Variants in FAM135B observed in about 807,000 individuals in gnomAD.
The protein encoded by FAM135B is protein FAM135B.
A neutral mutation model predicts 127.7 loss-of-function variants in FAM135B; 43 were observed. That is an observed-to-expected ratio of 0.34 (90% CI 0.26 to 0.43). FAM135B has a LOEUF of 0.43. Ranked by LOEUF, FAM135B falls within the 20% of genes least tolerant of loss-of-function variation. The probability of loss-of-function intolerance (pLI) is 1.00; values close to 1 mark genes in which losing one functional copy is unlikely to be tolerated. For synonymous variants in FAM135B, 670 were observed against 665.1 expected (o/e 1.01, Z -0.11); for missense variants, 1,558 against 1,725.6 (o/e 0.90, Z 1.72).
intron 2 of FAM135B, among the ~76,000 whole-genome samples, chr8:138,326,998 A>G (rs1043414788): frequency 2.6e-5 from 4 of 152,142 alleles, no homozygotes; most frequent in Non-Finnish European, 4.4e-5. Context: ...TCTGTGCTAG[A>G]TCTCATGACT....
At chr8:138,386,947 G>C (rs2131309226) in intron 1 of FAM135B, among the ~76,000 whole-genome samples, 1 of 152,206 alleles carries the variant, frequency 6.6e-6, no homozygotes, top group African/African-American at 2.4e-5. Context: ...TGCCTATACA[G>C]AACGCCTGCC....
intron 1 of FAM135B, among the ~76,000 whole-genome samples, chr8:138,408,426 G>T (rs1197927284): frequency 6.6e-6 from 1 of 152,090 alleles, no homozygotes; most frequent in Non-Finnish European, 1.5e-5. Flanking sequence ...ATCAACCTCT[G>T]CTGGCTTCCA....
chr8:138,262,748 A>C (rs1007653450), intron 4 of FAM135B, among the ~76,000 whole-genome samples: 2 of 151,742 alleles, frequency 1.3e-5, no homozygotes, highest in Non-Finnish European at 2.9e-5. Context: ...AAAATACAAA[A>C]AAAATTAGCC....
chr8:138,461,327 A>T (rs1265766182), intron 1 of FAM135B, among the ~76,000 whole-genome samples: 2 of 152,152 alleles, frequency 1.3e-5, no homozygotes, highest in Non-Finnish European at 2.9e-5. Flanking sequence ...CATTTGTAAA[A>T]TAAGGAAATA....
At chr8:138,398,281 G>C (rs1832959214) in intron 1 of FAM135B, among the ~76,000 whole-genome samples, 1 of 152,216 alleles carries the variant, frequency 6.6e-6, no homozygotes, top group African/African-American at 2.4e-5. Flanking sequence ...CAGGTAAAAA[G>C]ACCAAGAGGA....
At chr8:138,471,653 G>T (rs191504914) in intron 1 of FAM135B, among the ~76,000 whole-genome samples, 1 of 152,208 alleles carries the variant, frequency 6.6e-6, no homozygotes, top group Admixed American at 6.6e-5. Flanking sequence ...AATCCAGCAG[G>T]ATGCATGGAA....
At chr8:138,161,577 A>G (rs1819395484) in intron 12 of FAM135B, among the ~76,000 whole-genome samples, 1 of 152,228 alleles carries the variant, frequency 6.6e-6, no homozygotes, top group South Asian at 2.1e-4. Context: ...AATCAATGCA[A>G]TCACTATTGA....
chr8:138,190,668 C>T (rs1016252886), intron 9 of FAM135B, among the ~76,000 whole-genome samples: 2 of 152,138 alleles, frequency 1.3e-5, no homozygotes, highest in Non-Finnish European at 2.9e-5. Flanking sequence ...GAGTCTGGCA[C>T]CTTTTTAAGT....
chr8:138,488,628 G>A (rs1019831923), intron 1 of FAM135B, among the ~76,000 whole-genome samples: 6 of 151,808 alleles, frequency 4.0e-5, no homozygotes, highest in South Asian at 2.1e-4. Flanking sequence ...GATAGTGTGC[G>A]TTTTTGTTTG....
intron 9 of FAM135B, among the ~76,000 whole-genome samples, chr8:138,184,952 T>C (rs910001163): frequency 2.0e-5 from 3 of 152,180 alleles, no homozygotes; most frequent in Non-Finnish European, 2.9e-5. Flanking sequence ...AGTTCTAAAA[T>C]TGGAAAGAGA....
At chr8:138,442,337 T>C (rs1285762283) in intron 1 of FAM135B, among the ~76,000 whole-genome samples, 1 of 148,726 alleles carries the variant, frequency 6.7e-6, no homozygotes, top group East Asian at 2.0e-4. Context: ...TGGTTGTGTG[T>C]CTATATTTCT....
chr8:138,496,161 G>C (rs746189845), intron 1 of FAM135B, among the ~76,000 whole-genome samples: 1 of 152,136 alleles, frequency 6.6e-6, no homozygotes, highest in Non-Finnish European at 1.5e-5. Flanking sequence ...CTTGAAGCTG[G>C]CTCTACAGAT....
intron 3 of FAM135B, among the ~76,000 whole-genome samples, chr8:138,271,249 A>G (rs1376929937): frequency 1.3e-5 from 2 of 152,126 alleles, no homozygotes; most frequent in Non-Finnish European, 2.9e-5. Context: ...ATCAATAAAG[A>G]GTTGTATTTT....
intron 1 of FAM135B, among the ~76,000 whole-genome samples, chr8:138,404,362 G>C (rs545764068): frequency 6.6e-6 from 1 of 152,196 alleles, no homozygotes; most frequent in South Asian, 2.1e-4. Flanking sequence ...CATATCTTTT[G>C]CTGATGGAGA....
intron 3 of FAM135B, among the ~76,000 whole-genome samples, chr8:138,284,065 A>G (rs1055115484): frequency 1.3e-5 from 2 of 152,136 alleles, no homozygotes; most frequent in African/African-American, 2.4e-5. Context: ...TTTTCAGTCA[A>G]TATAAACTGC....
chr8:138,350,009 G>A (rs908010238), intron 2 of FAM135B, among the ~76,000 whole-genome samples: 5 of 152,104 alleles, frequency 3.3e-5, no homozygotes, highest in South Asian at 2.1e-4. Flanking sequence ...GGACTCTATC[G>A]TTATTCTCCA....
chr8:138,315,118 G>GTAATAA (rs149060946), intron 2 of FAM135B, among the ~76,000 whole-genome samples: 19 of 151,748 alleles, frequency 1.3e-4, no homozygotes, highest in East Asian at 5.8e-4. Flanking sequence ...CTCAATAGCA[G>GTAATAA]TAATAATAAT....
intron 9 of FAM135B, among the ~76,000 whole-genome samples, chr8:138,182,655 T>C (rs1410327448): frequency 6.6e-6 from 1 of 152,258 alleles, no homozygotes; most frequent in African/African-American, 2.4e-5. Flanking sequence ...GCAAGAGATA[T>C]ATACTGAGTA....
chr8:138,319,096 T>TG (rs1424754098), intron 2 of FAM135B, among the ~76,000 whole-genome samples: 8 of 151,966 alleles, frequency 5.3e-5, no homozygotes, highest in African/African-American at 9.7e-5. Context: ...GTTTTTTTTT[T>TG]TTGTTGTTGT....
Sources: allele counts gnomAD v4.1 joint callset (sites outside exome capture counted in the v4.1 genomes callset), GRCh38; gene constraint gnomAD v4.1.1; transcripts MANE v1.5; gene names NCBI Gene and HGNC (gene_info 2026-07-23, HGNC 2026-07-21).